YPEL2: variants seen among roughly 807,000 people sequenced by gnomAD.
YPEL2 encodes protein yippee-like 2.
YPEL2 carries 2 observed loss-of-function variants against 19.1 expected under a neutral mutation model. The observed-to-expected ratio is 0.10, with a 90% confidence interval of 0.04 to 0.33. The LOEUF (loss-of-function observed/expected upper bound fraction) is 0.33. Ranked by LOEUF, YPEL2 falls within the 10% of genes least tolerant of loss-of-function variation. The pLI is 1.00. For synonymous variants in YPEL2, 52 were observed against 50.0 expected (o/e 1.04, Z -0.17); for missense variants, 66 against 140.7 (o/e 0.47, Z 2.68).
intron 2 of YPEL2, chr17:59,355,882 A>G (rs989061291): frequency 6.6e-6 from 1 of 152,216 alleles, no homozygotes; most frequent in African/African-American, 2.4e-5. Context: ...GATGGGGTGC[A>G]TTAGAGCTTG....
rs2047855539 is a variant in YPEL2 at position 59,364,078 on chromosome 17, GTGT to G, written c.117+10557_117+10559del. Among the ~76,000 whole-genome samples, 3 of 152,184 alleles carry G rather than the reference GTGT, an allele frequency of 2.0e-5. No homozygotes were observed. In the South Asian group the frequency reaches 6.2e-4, roughly 32 times the overall value. ...TAATGACTGTCTTGTGGTATGGTCT[GTGT>G]TGTTATGGTTGCGTGCACTTTTTAT... On this transcript the variant is annotated intron_variant, in intron 2 of 4. Coordinates refer to ENST00000312655, the MANE Select transcript of YPEL2 (RefSeq NM_001005404.4).
chr17:59,394,113 C>G (rs980697355), intron 4 of YPEL2, among the ~76,000 whole-genome samples: 1 of 151,398 alleles, frequency 6.6e-6, no homozygotes, highest in Non-Finnish European at 1.5e-5. Flanking sequence ...CCCCTCACCT[C>G]CCGGACGCGG....
At chr17:59,337,251 A>G (rs982837736) in intron 1 of YPEL2, among the ~76,000 whole-genome samples, 3 of 147,870 alleles carry the variant, frequency 2.0e-5, no homozygotes, top group Non-Finnish European at 4.4e-5. Flanking sequence ...GCAGTGGTGC[A>G]ATCTCGGCTC....
At chr17:59,345,735 A>AGG (rs1435774012) in intron 1 of YPEL2, among the ~76,000 whole-genome samples, 1 of 152,102 alleles carries the variant, frequency 6.6e-6, no homozygotes. Context: ...GAATAGGAAC[A>AGG]ATTCCTGTGC....
chr17:59,359,252 TA>T, intron 2 of YPEL2, among the ~76,000 whole-genome samples: 1 of 152,346 alleles, frequency 6.6e-6, no homozygotes, highest in Non-Finnish European at 1.5e-5. Flanking sequence ...ACAATAAAAC[TA>T]CTCTCTGAAA....
chr17:59,383,755 ATAGT>A (rs1297485639), intron 2 of YPEL2, among the ~76,000 whole-genome samples: 1 of 149,510 alleles, frequency 6.7e-6, no homozygotes, highest in African/African-American at 2.5e-5. Flanking sequence ...ACTAACTCTT[ATAGT>A]TAAACATTCT....
At chr17:59,379,715 T>C (rs2047939059) in intron 2 of YPEL2, among the ~76,000 whole-genome samples, 1 of 152,168 alleles carries the variant, frequency 6.6e-6, no homozygotes, top group African/African-American at 2.4e-5. Flanking sequence ...CACTGAATTG[T>C]CTACTTTAAA....
At chr17:59,357,302 C>T (rs1158430475) in intron 2 of YPEL2, among the ~76,000 whole-genome samples, 1 of 151,894 alleles carries the variant, frequency 6.6e-6, no homozygotes, top group East Asian at 1.9e-4. Context: ...CACTTTGGAA[C>T]CTGAGGCACA....
chr17:59,396,752 G>T (rs1338237244), intron 4 of YPEL2, among the ~76,000 whole-genome samples: 1 of 152,198 alleles, frequency 6.6e-6, no homozygotes, highest in Non-Finnish European at 1.5e-5. Context: ...CCTTGGCCGG[G>T]TATGGTGGCT....
chr17:59,359,464 T>C (rs1437331954), intron 2 of YPEL2, among the ~76,000 whole-genome samples: 1 of 152,096 alleles, frequency 6.6e-6, no homozygotes, highest in Non-Finnish European at 1.5e-5. Context: ...ATATGTACAA[T>C]ATTATCAGAC....
chr17:59,335,430 G>A (rs1179137199), intron 1 of YPEL2, among the ~76,000 whole-genome samples: 1 of 151,956 alleles, frequency 6.6e-6, no homozygotes, highest in Non-Finnish European at 1.5e-5. Context: ...TCCCCAACCT[G>A]TCCACTCTGC....
chr17:59,352,646 A>T lies in YPEL2; in HGVS notation c.-195-569A>T, dbSNP rs1399608848. Among the ~76,000 whole-genome samples, 3 of 152,198 alleles carry T rather than the reference A, an allele frequency of 2.0e-5. 1 individual carries two copies. In the East Asian group the frequency reaches 5.8e-4, roughly 29 times the overall value. Reference sequence around the variant, plus strand: ...TGAAAGAGCTGGCTTAGCACTAGGGATCCTGCTGATTGGGAACTTGTTCCT... The same window carrying T: ...TGAAAGAGCTGGCTTAGCACTAGGGTTCCTGCTGATTGGGAACTTGTTCCT... On this transcript the variant is annotated intron_variant, in intron 1 of 4. Transcript: ENST00000312655.
chr17:59,348,684 A>C (rs796809872), intron 1 of YPEL2, among the ~76,000 whole-genome samples: 15 of 152,202 alleles, frequency 9.9e-5, no homozygotes, highest in African/African-American at 3.4e-4. Context: ...TTCACTTAAA[A>C]TGGTGTTTAA....
At chr17:59,376,598 C>G (rs959454691) in intron 2 of YPEL2, among the ~76,000 whole-genome samples, 9 of 152,142 alleles carry the variant, frequency 5.9e-5, no homozygotes, top group Non-Finnish European at 8.8e-5. Flanking sequence ...AATGATTATA[C>G]CCACCTGGTT....
Position 59,353,290 on chromosome 17 carries a change from A to G in YPEL2, c.-120A>G. 1 of 699,594 alleles carries G rather than the reference A, an allele frequency of 1.4e-6. No homozygotes were observed. The highest frequency in any genetic ancestry group is 2.5e-5 in the East Asian group (1 of 39,248). 43.3% of individuals were successfully genotyped at this position (699,594 alleles called of 1,614,324 possible). ...ACATCACCAGTGTGTGGAGCCTGCC[A>G]CACCCACCCGCTGCCAAACCACGGC... is the stretch of plus-strand genomic sequence containing the variant. On this transcript the variant is annotated 5_prime_UTR_variant, in exon 2 of 5. Coordinates refer to ENST00000312655, the MANE Select transcript of YPEL2 (RefSeq NM_001005404.4). The surrounding 1 kb of genome is among the most constrained non-coding windows in gnomAD (Gnocchi z 4.8).
At chr17:59,359,652 T>A (rs1264752959) in intron 2 of YPEL2, among the ~76,000 whole-genome samples, 1 of 152,226 alleles carries the variant, frequency 6.6e-6, no homozygotes, top group Non-Finnish European at 1.5e-5. Flanking sequence ...TCAGTGGATA[T>A]ATGACATAAT....
rs2048051999 is a variant in YPEL2, at chr17:59,398,353, C to T, written c.*1163C>T. The T allele has an allele frequency of 6.6e-6, 1 of 152,146 alleles. No individual in the cohort carries two copies. Among genetic ancestry groups the T allele is most frequent in the African/African-American group, 2.4e-5 (1 of 41,420 alleles). The allele number at this position is 152,146 out of a possible 1,614,324, so 9.4% of individuals were successfully genotyped here. A position where few individuals can be genotyped will look rare whatever the true frequency, so the allele number is the denominator to read the frequency against. ...TTTTCTCCAGTCTTGTTACTGTAGA[C>T]TGTAGAAAGCACGGGCCCCAGGCTC... On this transcript the variant is annotated 3_prime_UTR_variant, in exon 5 of 5. Transcript: ENST00000312655.
intron 2 of YPEL2, among the ~76,000 whole-genome samples, chr17:59,371,326 G>A (rs1418608344): frequency 2.0e-5 from 3 of 152,200 alleles, no homozygotes. Context: ...CAGCTCCCCA[G>A]TATCGTGTTG....
intron 2 of YPEL2, among the ~76,000 whole-genome samples, chr17:59,365,282 G>A (rs1247925035): frequency 6.6e-6 from 1 of 152,140 alleles, no homozygotes; most frequent in Non-Finnish European, 1.5e-5. Context: ...CCTTATCCCA[G>A]GGGGACCAGC....
Sources: gnomAD v4.1 joint callset for allele counts (sites outside exome capture counted in the v4.1 genomes callset) on GRCh38, gnomAD v4.1.1 for gene constraint, Gnocchi (gnomAD v3.1) non-coding constraint, MANE v1.5 for transcripts, NCBI Gene and HGNC (gene_info 2026-07-23, HGNC 2026-07-21) for gene names.